Variants in TSPAN9 observed in about 807,000 individuals in gnomAD.
The protein encoded by TSPAN9 is tetraspanin 9.
A neutral mutation model predicts 31.0 loss-of-function variants in TSPAN9; 16 were observed. That is an observed-to-expected ratio of 0.52 (90% CI 0.35 to 0.78). TSPAN9 has a LOEUF of 0.78. Among genes scored for constraint, TSPAN9 ranks in the 30% least tolerant of loss-of-function variants. The pLI is 0.01. For synonymous variants in TSPAN9, 145 were observed against 121.6 expected, an observed-to-expected ratio of 1.19 and a Z score of -1.27; for missense variants, 272 against 312.5, an observed-to-expected ratio of 0.87 and a Z score of 0.98.
chr12:3,207,680 A>T (rs980150898), intron 3 of TSPAN9, among the ~76,000 whole-genome samples: 10 of 152,140 alleles, frequency 6.6e-5, no homozygotes, highest in African/African-American at 2.2e-4. Flanking sequence ...GAACTGGAGA[A>T]GCCCTTGGGC....
chr12:3,199,694 G>A (rs1463692868), intron 2 of TSPAN9, among the ~76,000 whole-genome samples: 1 of 152,176 alleles, frequency 6.6e-6, no homozygotes, highest in Non-Finnish European at 1.5e-5. Flanking sequence ...TCGCGCAGCT[G>A]CAGGAGCCTG....
chr12:3,199,512 C>G (rs1487648085), intron 2 of TSPAN9, among the ~76,000 whole-genome samples: 2 of 152,246 alleles, frequency 1.3e-5, no homozygotes, highest in Non-Finnish European at 2.9e-5. Flanking sequence ...GCTCGTTTCT[C>G]TGACCTCACG....
chr12:3,163,423 C>A (rs2098346532), intron 2 of TSPAN9, among the ~76,000 whole-genome samples: 1 of 152,212 alleles, frequency 6.6e-6, no homozygotes, highest in African/African-American at 2.4e-5. Context: ...TTGAAACACC[C>A]TGTATAGGGC....
At chr12:3,131,160 G>A (rs2098329686) in intron 2 of TSPAN9, among the ~76,000 whole-genome samples, 1 of 151,182 alleles carries the variant, frequency 6.6e-6, no homozygotes, top group African/African-American at 2.4e-5. Flanking sequence ...TGTTTATGGA[G>A]CCCTTTACGT....
intron 3 of TSPAN9, among the ~76,000 whole-genome samples, chr12:3,230,948 CGGAGATAGGGTTG>C (rs2098390428): frequency 6.6e-6 from 1 of 151,976 alleles, no homozygotes; most frequent in Non-Finnish European, 1.5e-5. Context: ...CCTGGAGGTG[CGGAGATAGGGTTG>C]GGAGCTGGGG....
intron 2 of TSPAN9, among the ~76,000 whole-genome samples, chr12:3,135,374 CTG>C (rs2153967283): frequency 6.6e-6 from 1 of 152,340 alleles, no homozygotes; most frequent in East Asian, 1.9e-4. Flanking sequence ...GAGCGAGCCA[CTG>C]TGCCCGGCCA....
At chr12:3,234,324 C>G (rs779384363) in intron 3 of TSPAN9, among the ~76,000 whole-genome samples, 21 of 152,158 alleles carry the variant, frequency 1.4e-4, no homozygotes, top group Non-Finnish European at 2.8e-4. Flanking sequence ...GGCGTCTTAC[C>G]TTCCTCTGAA....
chr12:3,224,273 A>G (rs2098386017), intron 3 of TSPAN9, among the ~76,000 whole-genome samples: 1 of 152,122 alleles, frequency 6.6e-6, no homozygotes, highest in Admixed American at 6.5e-5. Context: ...GCACTTACAG[A>G]TGGGACCGGG....
chr12:3,137,746 T>C (rs1273906412), intron 2 of TSPAN9, among the ~76,000 whole-genome samples: 1 of 152,152 alleles, frequency 6.6e-6, no homozygotes, highest in African/African-American at 2.4e-5. Flanking sequence ...CTCTCTCTGT[T>C]ACATCAGCCT....
intron 3 of TSPAN9, among the ~76,000 whole-genome samples, chr12:3,269,135 TGC>T (rs1200255112): frequency 4.6e-5 from 5 of 108,690 alleles, no homozygotes; most frequent in East Asian, 6.5e-4. Flanking sequence ...CTGCCCTCTG[TGC>T]GTTCCTGCAG....
At chr12:3,213,609 G>A (rs1267997865) in intron 3 of TSPAN9, among the ~76,000 whole-genome samples, 1 of 152,162 alleles carries the variant, frequency 6.6e-6, no homozygotes, top group Non-Finnish European at 1.5e-5. Context: ...CAGCTAAAGA[G>A]AGCTGCAGCG....
At chr12:3,077,777 T>C (rs1366966136) in intron 1 of TSPAN9, among the ~76,000 whole-genome samples, 1 of 152,080 alleles carries the variant, frequency 6.6e-6, no homozygotes, top group Non-Finnish European at 1.5e-5. Context: ...CGGCAAGGGT[T>C]TCCGACTGTG....
At chr12:3,209,990 G>A (rs1233913405) in intron 3 of TSPAN9, among the ~76,000 whole-genome samples, 11 of 122,800 alleles carry the variant, frequency 9.0e-5, no homozygotes, top group Admixed American at 3.6e-4. Context: ...AAAAAAATTA[G>A]CCGGGTGTGG....
Position 3,260,508 on chromosome 12 carries a change from C to T in TSPAN9, c.64-17913C>T, listed in dbSNP as rs578214534. Among the ~76,000 whole-genome samples, 6 of 152,340 alleles carry T rather than the reference C, an allele frequency of 3.9e-5. 1 individual carries two copies. The highest frequency in any genetic ancestry group is 1.2e-4 in the African/African-American group (5 of 41,582). ...AGAACAGGGCGAACCCTCATAGTCC[C>T]GTGCTGCTGGGAGCTGGCCTTCTGT... On this transcript the variant is annotated intron_variant, in intron 3 of 8. Coordinates refer to ENST00000011898, the MANE Select transcript of TSPAN9 (RefSeq NM_006675.5).
At position 3,272,373 on chromosome 12, in the gene TSPAN9, C is replaced by G. The variant is rs1439380129; in HGVS notation, c.64-6048C>G. 3.3e-5 allele frequency among the ~76,000 whole-genome samples: 5 copies of G among 152,274 alleles called. No individual in the cohort carries two copies. The South Asian group carries it at 8.3e-4, about 25-fold the overall frequency. ...CCCACTCAGGCCCCTCCATCCATCC[C>G]CATCATTCATTCATTTATTCATTCC... On this transcript the variant is annotated intron_variant, in intron 3 of 8. Transcript: ENST00000011898.
intron 2 of TSPAN9, among the ~76,000 whole-genome samples, chr12:3,152,609 G>A (rs141872136): frequency 1.5e-5 from 2 of 131,276 alleles, no homozygotes; most frequent in East Asian, 1.9e-4. Context: ...TTTTTGAGAC[G>A]GAGTCTCGCT....
At chr12:3,274,354 T>C (rs987472124) in intron 3 of TSPAN9, among the ~76,000 whole-genome samples, 2 of 151,956 alleles carry the variant, frequency 1.3e-5, no homozygotes, top group Non-Finnish European at 2.9e-5. Context: ...TTAAAGGAAA[T>C]TGGGCCTCCG....
chr12:3,189,690 A>C (rs572135955), intron 2 of TSPAN9, among the ~76,000 whole-genome samples: 14 of 152,318 alleles, frequency 9.2e-5, no homozygotes, highest in African/African-American at 3.4e-4. Context: ...AAATGAGAAA[A>C]GATGCCTCCA....
chr12:3,118,266 T>TTG (rs2098323481), intron 2 of TSPAN9, among the ~76,000 whole-genome samples: 3 of 105,992 alleles, frequency 2.8e-5, no homozygotes, highest in Non-Finnish European at 4.1e-5. Flanking sequence ...GTTTTTTTTT[T>TTG]TTTTTTTTTT....
Sources: allele counts gnomAD v4.1 joint callset (sites outside exome capture counted in the v4.1 genomes callset), GRCh38; gene constraint gnomAD v4.1.1; transcripts MANE v1.5; gene names NCBI Gene and HGNC (gene_info 2026-07-23, HGNC 2026-07-21).